The following ZNF804B variants were observed in gnomAD, a reference collection of about 807,000 sequenced individuals.
ZNF804B encodes the protein zinc finger protein 804B.
In ZNF804B, 80 loss-of-function variants were observed where a neutral mutation model predicts 101.4. The ratio of observed to expected loss-of-function variants is 0.79; its 90% CI spans 0.66 to 0.95. The LOEUF is 0.95. ZNF804B is among the 40% of genes least tolerant of loss of function. ZNF804B has a pLI of 0.00. For synonymous variants in ZNF804B, 622 were observed against 558.8 expected, an observed-to-expected ratio of 1.11 and a Z score of -1.59; for missense variants, 1,673 against 1,561.9, an observed-to-expected ratio of 1.07 and a Z score of -1.20.
chr7:89,026,459 G>T (rs1484338307), intron 1 of ZNF804B, among the ~76,000 whole-genome samples: 1 of 152,060 alleles, frequency 6.6e-6, no homozygotes, highest in East Asian at 1.9e-4. Flanking sequence ...TTTTTATAAG[G>T]TTTATTTGAT....
chr7:89,202,575 A>G (rs980070673), intron 1 of ZNF804B, among the ~76,000 whole-genome samples: 7 of 152,156 alleles, frequency 4.6e-5, no homozygotes, highest in African/African-American at 1.7e-4. Flanking sequence ...AAAGAAAAAA[A>G]TTCTACATCT....
At chr7:89,008,742 T>C (rs147180695) in intron 1 of ZNF804B, among the ~76,000 whole-genome samples, 2 of 152,114 alleles carry the variant, frequency 1.3e-5, no homozygotes, top group Admixed American at 6.6e-5. Context: ...CATCTTTCAC[T>C]CAGAGCACTG....
rs574287956 is a variant in ZNF804B, at chr7:89,328,973, T to C, written c.380+1499T>C. On this transcript the variant is annotated intron_variant, in intron 3 of 3. Transcript: ENST00000333190. ...GTGATGGTGATGATGATAATGATGCTGATGATGATAATGATGCTGATGATG... is the reference window on the plus strand; with the variant it reads ...GTGATGGTGATGATGATAATGATGCCGATGATGATAATGATGCTGATGATG... Among the ~76,000 whole-genome samples, 900 of 151,800 alleles carry C rather than the reference T, an allele frequency of 5.9e-3. 10 individuals carry two copies. Among genetic ancestry groups the C allele is most frequent in the African/African-American group, 0.02 (841 of 41,470 alleles).
chr7:89,204,502 G>A (rs770870955), intron 1 of ZNF804B, among the ~76,000 whole-genome samples: 11 of 152,206 alleles, frequency 7.2e-5, no homozygotes, highest in Middle Eastern at 3.4e-3. Context: ...TTTTACCCTT[G>A]AATTTCCAGT....
At chr7:89,140,959 G>C (rs1247474726) in intron 1 of ZNF804B, among the ~76,000 whole-genome samples, 1 of 142,474 alleles carries the variant, frequency 7.0e-6, no homozygotes, top group Non-Finnish European at 1.6e-5. Context: ...TTAAAAATGA[G>C]AGAAATGCAA....
At chr7:88,892,351 A>G (rs1315835914) in intron 1 of ZNF804B, among the ~76,000 whole-genome samples, 1 of 152,060 alleles carries the variant, frequency 6.6e-6, no homozygotes, top group African/African-American at 2.4e-5. Flanking sequence ...GTTTGTGTCT[A>G]TCTGTAGATA....
intron 1 of ZNF804B, among the ~76,000 whole-genome samples, chr7:88,905,009 C>T (rs573922127): frequency 6.6e-6 from 1 of 152,332 alleles, no homozygotes; most frequent in Admixed American, 6.5e-5. Flanking sequence ...TGAGAGTAGG[C>T]ATCCTTGTCT....
chr7:89,334,410 C>G lies in ZNF804B; in HGVS notation c.1428C>G (p.Asn476Lys). Residue 476 changes from asparagine to lysine, a missense_variant, in exon 4 of 4, where the codon AAC (asparagine) becomes AAG (lysine). Coordinates refer to ENST00000333190, the MANE Select transcript of ZNF804B (RefSeq NM_181646.5). ...AACCCTGTATCTCTTATGGCTGCAACCCACTGTATTTTGATTTTAAGCTTT... is the reference window on the plus strand; with the variant it reads ...AACCCTGTATCTCTTATGGCTGCAAGCCACTGTATTTTGATTTTAAGCTTT... ...KTEPCISYGC[N>K]PLYFDFKLSR... 6.2e-7 allele frequency: 1 copy of G among 1,613,710 alleles called. No homozygotes were observed. Among genetic ancestry groups the G allele is most frequent in the Non-Finnish European group, 8.5e-7 (1 of 1,179,858 alleles).
intron 1 of ZNF804B, among the ~76,000 whole-genome samples, chr7:88,967,574 G>T (rs528981697): frequency 1.3e-5 from 2 of 150,174 alleles, no homozygotes; most frequent in African/African-American, 4.9e-5. Context: ...GATTTAAATT[G>T]CAAAGGTAAC....
chr7:89,336,229 A>G lies in ZNF804B; in HGVS notation c.3247A>G (p.Thr1083Ala), dbSNP rs773430610. 8 of 1,613,716 alleles carry G rather than the reference A, an allele frequency of 5.0e-6. No homozygotes were observed. In the South Asian group the frequency reaches 6.6e-5, roughly 13 times the overall value. ...TGGTGCTTTTCCGTCTAATAAATAT[A>G]CTGGTGTGACTGATTCAACAGAGAC... ...FPGAFPSNKY[T>A]GVTDSTETQE... Residue 1083 changes from threonine (T) to alanine (A), a missense_variant, in exon 4 of 4, where the codon ACT becomes GCT. Physicochemically the swap from Thr to Ala is moderately conservative, Grantham distance 58. Transcript: ENST00000333190.
intron 1 of ZNF804B, among the ~76,000 whole-genome samples, chr7:88,896,630 C>T (rs996455100): frequency 1.3e-5 from 2 of 152,076 alleles, no homozygotes; most frequent in Non-Finnish European, 2.9e-5. Context: ...ATACGTGATA[C>T]AGAAATGGAA....
chr7:89,039,276 GT>G (rs1444100504), intron 1 of ZNF804B, among the ~76,000 whole-genome samples: 19 of 151,574 alleles, frequency 1.3e-4, no homozygotes. Context: ...AACATTTTTT[GT>G]TTGTTTGGGT....
At chr7:89,224,153 C>T (rs1481151781) in intron 2 of ZNF804B, among the ~76,000 whole-genome samples, 1 of 151,960 alleles carries the variant, frequency 6.6e-6, no homozygotes, top group African/African-American at 2.4e-5. Context: ...ACAAATGAGC[C>T]AGATCCCTGT....
chr7:89,046,515 C>T (rs1458517122), intron 1 of ZNF804B, among the ~76,000 whole-genome samples: 1 of 152,078 alleles, frequency 6.6e-6, no homozygotes, highest in Non-Finnish European at 1.5e-5. Flanking sequence ...AAATAAAGGC[C>T]TCTCTTCTCT....
intron 2 of ZNF804B, among the ~76,000 whole-genome samples, chr7:89,220,106 T>TGC (rs140767891): frequency 0.064 from 3,677 of 57,518 alleles, 568 homozygotes; most frequent in African/African-American, 0.082. Flanking sequence ...CATATATATG[T>TGC]GTGTATATAC....
chr7:88,807,583 A>T (rs1448941595), intron 1 of ZNF804B, among the ~76,000 whole-genome samples: 3 of 151,038 alleles, frequency 2.0e-5, no homozygotes, highest in Non-Finnish European at 4.4e-5. Flanking sequence ...TAAATTAATC[A>T]TTTTTTTTTC....
At chr7:88,775,686 A>C (rs769920644) in intron 1 of ZNF804B, among the ~76,000 whole-genome samples, 4 of 152,168 alleles carry the variant, frequency 2.6e-5, no homozygotes, top group Non-Finnish European at 4.4e-5. Context: ...TAGCTCTATA[A>C]AGTTAATTTT....
intron 1 of ZNF804B, among the ~76,000 whole-genome samples, chr7:88,765,785 A>C (rs994040659): frequency 1.9e-4 from 29 of 152,204 alleles, no homozygotes; most frequent in Non-Finnish European, 4.4e-5. Flanking sequence ...TTAGAGAATA[A>C]GATCTGGAGA....
chr7:88,819,190 C>A (rs1287285901), intron 1 of ZNF804B, among the ~76,000 whole-genome samples: 3 of 152,134 alleles, frequency 2.0e-5, no homozygotes, highest in Admixed American at 6.5e-5. Flanking sequence ...GTGGCGCGAT[C>A]GTGGCTCACT....
Sources: allele counts gnomAD v4.1 joint callset (sites outside exome capture counted in the v4.1 genomes callset), GRCh38; gene constraint gnomAD v4.1.1; transcripts MANE v1.5; gene names NCBI Gene and HGNC (gene_info 2026-07-23, HGNC 2026-07-21).